Variants in TRAPPC9 observed in about 807,000 individuals in gnomAD.
TRAPPC9 encodes IKK2 binding protein.
TRAPPC9 carries 83 observed loss-of-function variants against 124.0 expected under a neutral mutation model. The observed-to-expected ratio is 0.67, with a 90% CI of 0.56 to 0.80. TRAPPC9 has a LOEUF of 0.80. TRAPPC9 is among the 30% of genes least tolerant of loss of function. The pLI, the probability that TRAPPC9 is intolerant of heterozygous loss-of-function variation, is 0.00. For missense variants in TRAPPC9, 1,302 were observed against 1,508.3 expected (o/e 0.86, Z 2.27); for synonymous variants, 638 against 617.5 (o/e 1.03, Z -0.49).
At chr8:139,872,500 A>G (rs111879661) in intron 21 of TRAPPC9, among the ~76,000 whole-genome samples, 31 of 73,530 alleles carry the variant, frequency 4.2e-4, no homozygotes, top group Middle Eastern at 0.016. Context: ...GGATGGGTTG[A>G]TGGGTAAATG....
At chr8:140,026,122 C>A (rs1840133636) in intron 17 of TRAPPC9, among the ~76,000 whole-genome samples, 1 of 152,202 alleles carries the variant, frequency 6.6e-6, no homozygotes, top group Non-Finnish European at 1.5e-5. Flanking sequence ...TTGTGACTGG[C>A]AGATTTCACT....
rs377151612 is a variant in TRAPPC9, at chr8:139,930,695, G to A, written c.2811-20395C>T. Among the ~76,000 whole-genome samples the A allele has an allele frequency of 1.4e-4, 22 of 152,284 alleles. No individual in the cohort carries two copies. In the East Asian group the frequency reaches 2.1e-3, roughly 15 times the overall value. ...GGAACTTATTTTGCAATGAGATTTCGTTTTCAACCAATCCTAGTAACCGGC... is the reference window on the plus strand; with the variant it reads ...GGAACTTATTTTGCAATGAGATTTCATTTTCAACCAATCCTAGTAACCGGC... On this transcript the variant is annotated intron_variant, in intron 19 of 22. Coordinates refer to ENST00000438773, the MANE Select transcript of TRAPPC9 (RefSeq NM_001160372.4).
chr8:139,807,029 C>A (rs1392419154), intron 21 of TRAPPC9, among the ~76,000 whole-genome samples: 1 of 152,238 alleles, frequency 6.6e-6, no homozygotes, highest in Non-Finnish European at 1.5e-5. Context: ...CACCTTCAGC[C>A]AACCAAGGGC....
chr8:140,302,192 G>A (rs1241820747), intron 10 of TRAPPC9, among the ~76,000 whole-genome samples: 6 of 152,082 alleles, frequency 3.9e-5, no homozygotes, highest in African/African-American at 1.2e-4. Context: ...TCCCAGCCCC[G>A]GGGAGCCTGC....
intron 13 of TRAPPC9, 21 bp from the exon 14 acceptor site, chr8:140,284,042 C>T (rs2065410083): frequency 6.2e-7 from 1 of 1,613,742 alleles, no homozygotes; most frequent in African/African-American, 1.3e-5. Flanking sequence ...AAAGGAACTT[C>T]TTCACTCCAC....
At chr8:139,830,892 G>C (rs1034715676) in intron 21 of TRAPPC9, among the ~76,000 whole-genome samples, 21 of 152,252 alleles carry the variant, frequency 1.4e-4, no homozygotes, top group African/African-American at 5.1e-4. Context: ...GCTCTCCAGG[G>C]AGGCTGAACT....
At chr8:140,374,361 G>A (rs1303744584) in intron 7 of TRAPPC9, among the ~76,000 whole-genome samples, 4 of 152,168 alleles carry the variant, frequency 2.6e-5, no homozygotes, top group Non-Finnish European at 5.9e-5. Flanking sequence ...CCTGAGGTTG[G>A]GAGTTCGAGA....
chr8:139,756,882 C>T (rs1212120035), intron 21 of TRAPPC9, among the ~76,000 whole-genome samples: 2 of 131,414 alleles, frequency 1.5e-5, no homozygotes, highest in African/African-American at 2.9e-5. Flanking sequence ...GACAGCAGGT[C>T]GCAGGAGGAG....
At chr8:140,347,347 A>G (rs1563962846) in intron 9 of TRAPPC9, among the ~76,000 whole-genome samples, 1 of 152,168 alleles carries the variant, frequency 6.6e-6, no homozygotes, top group Non-Finnish European at 1.5e-5. Context: ...CTGGGTAGCC[A>G]GCTCCCACAG....
At position 139,732,219 on chromosome 8, in the gene TRAPPC9, A is replaced by G. The variant is rs1276811931; in HGVS notation, c.3056-17T>C. 3 of 1,563,814 alleles carry G rather than the reference A, an allele frequency of 1.9e-6. No individual in the cohort carries two copies. Among genetic ancestry groups the G allele is most frequent in the African/African-American group, 2.7e-5 (2 of 74,230 alleles). ...CCAGCACATCTGTAAGGGACACGAG[A>G]CTGTCGGGGGCTGGGCTGGCCTGCA... is the stretch of plus-strand genomic sequence containing the variant. On this transcript the variant is annotated splice_polypyrimidine_tract_variant and intron_variant, in intron 21 of 22. Coordinates refer to ENST00000438773, the MANE Select transcript of TRAPPC9 (RefSeq NM_001160372.4).
chr8:139,964,315 A>T (rs973708129), intron 19 of TRAPPC9, among the ~76,000 whole-genome samples: 3 of 150,754 alleles, frequency 2.0e-5, no homozygotes, highest in African/African-American at 7.3e-5. Flanking sequence ...ATGAGGCGGG[A>T]TTCTCCAGAC....
chr8:140,108,515 C>T (rs531595139), intron 17 of TRAPPC9, among the ~76,000 whole-genome samples: 208 of 152,364 alleles, frequency 1.4e-3, no homozygotes, highest in Middle Eastern at 3.4e-3. Flanking sequence ...AGCTCCCGCT[C>T]GCCCCCCTTG....
chr8:140,344,366 T>C (rs796105314), intron 9 of TRAPPC9, among the ~76,000 whole-genome samples: 80 of 152,310 alleles, frequency 5.3e-4, no homozygotes, highest in African/African-American at 1.9e-3. Context: ...CTTGTGCCCC[T>C]TTTCCAAATG....
Position 139,929,130 on chromosome 8 carries a change from C to A in TRAPPC9, c.2811-18830G>T, listed in dbSNP as rs139268900. Among the ~76,000 whole-genome samples, 187 of 152,290 alleles carry A rather than the reference C, an allele frequency of 1.2e-3. 2 individuals are homozygous for A. Among genetic ancestry groups the A allele is most frequent in the African/African-American group, 4.3e-3 (179 of 41,548 alleles). On this transcript the variant is annotated intron_variant, in intron 19 of 22. Transcript: ENST00000438773. ...CTATTTGTTTAAAATAAAGAAGCCA[C>A]TCTCTTAAAAATGTATTAATTAATT...
intron 18 of TRAPPC9, among the ~76,000 whole-genome samples, chr8:140,002,844 C>CA (rs56895763): frequency 0.054 from 3,709 of 68,490 alleles, 9 homozygotes; most frequent in Non-Finnish European, 0.079. Context: ...TTCCACTTAT[C>CA]AAAAAAAAAA....
At chr8:140,240,410 G>T (rs763176728) in intron 16 of TRAPPC9, among the ~76,000 whole-genome samples, 1 of 152,062 alleles carries the variant, frequency 6.6e-6, no homozygotes, top group Non-Finnish European at 1.5e-5. Context: ...CCCAGGCTAC[G>T]GGATCTCCCC....
At chr8:139,863,228 C>G (rs935160576) in intron 21 of TRAPPC9, among the ~76,000 whole-genome samples, 4 of 152,270 alleles carry the variant, frequency 2.6e-5, no homozygotes, top group African/African-American at 9.6e-5. Flanking sequence ...GCCTGATGCA[C>G]TAACCCCACA....
At chr8:140,313,201 G>C (rs1328404919) in intron 9 of TRAPPC9, among the ~76,000 whole-genome samples, 4 of 152,142 alleles carry the variant, frequency 2.6e-5, no homozygotes, top group Non-Finnish European at 5.9e-5. Flanking sequence ...ATCTCCCAAA[G>C]GGCTCCAGCT....
At chr8:140,286,671 G>T (rs543234375) in intron 13 of TRAPPC9, among the ~76,000 whole-genome samples, 2 of 152,106 alleles carry the variant, frequency 1.3e-5, no homozygotes, top group Admixed American at 1.3e-4. Flanking sequence ...GAGGCTTGAC[G>T]GGGGCAGGGG....
Sources: allele counts gnomAD v4.1 joint callset (sites outside exome capture counted in the v4.1 genomes callset), GRCh38; gene constraint gnomAD v4.1.1; transcripts MANE v1.5; gene names NCBI Gene and HGNC (gene_info 2026-07-23, HGNC 2026-07-21).